PRKN: variants seen among roughly 807,000 people sequenced by gnomAD.
PRKN encodes parkin RBR E3 ubiquitin protein ligase.
PRKN carries 56 observed loss-of-function variants against 59.5 expected under a neutral mutation model. The ratio of observed to expected loss-of-function variants is 0.94; its 90% CI spans 0.76 to 1.18. PRKN has a LOEUF of 1.18. Among genes scored for constraint, PRKN ranks in the 50% most tolerant of loss-of-function variants. The pLI is 0.00. For missense variants in PRKN, 657 were observed against 596.4 expected (o/e 1.10, Z -1.06); for synonymous variants, 250 against 222.1 (o/e 1.13, Z -1.12).
intron 1 of PRKN, among the ~76,000 whole-genome samples, chr6:162,505,345 A>G (rs983183776): frequency 6.6e-6 from 1 of 152,204 alleles, no homozygotes; most frequent in African/African-American, 2.4e-5. Flanking sequence ...ATAAAAAGGC[A>G]TGGCATGCCC....
intron 1 of PRKN, among the ~76,000 whole-genome samples, chr6:162,537,985 C>T (rs560829556): frequency 2.8e-4 from 43 of 152,300 alleles, no homozygotes; most frequent in Middle Eastern, 6.8e-3. Flanking sequence ...TGGACAGCTA[C>T]GACATTATTG....
intron 6 of PRKN, among the ~76,000 whole-genome samples, chr6:161,916,031 G>GAA (rs368972817): frequency 1.2e-4 from 18 of 151,312 alleles, no homozygotes; most frequent in African/African-American, 4.1e-4. Flanking sequence ...TGAATTTACT[G>GAA]AAAAAAAAGC....
In PRKN at chr6:161,409,918, G is replaced by A. The variant is rs533935169; in HGVS notation, c.1084-23041C>T. On this transcript the variant is annotated intron_variant, in intron 9 of 11. Coordinates refer to ENST00000366898, the MANE Select transcript of PRKN (RefSeq NM_004562.3). This position sits in a 1 kb window ranked among gnomAD's most constrained non-coding sequence, Gnocchi z 4.6. Reference sequence around the variant, plus strand: ...AAAGTTTACCCTGTCTTGCTTTTCAGGTGAGAAGCAGAATTGGAAAATATT... The same window carrying A: ...AAAGTTTACCCTGTCTTGCTTTTCAAGTGAGAAGCAGAATTGGAAAATATT... 6.6e-6 allele frequency among the ~76,000 whole-genome samples: 1 copy of A among 152,254 alleles called. No individual in the cohort carries two copies. The highest frequency in any genetic ancestry group is 1.9e-4 in the East Asian group (1 of 5,186).
At chr6:161,422,260 A>G (rs546607969) in intron 9 of PRKN, among the ~76,000 whole-genome samples, 207 of 145,492 alleles carry the variant, frequency 1.4e-3, no homozygotes, top group African/African-American at 5.3e-3. Flanking sequence ...GTGCAGTGGC[A>G]TGATCTCGGC....
At chr6:162,511,241 G>T (rs1481855751) in intron 1 of PRKN, among the ~76,000 whole-genome samples, 1 of 150,220 alleles carries the variant, frequency 6.7e-6, no homozygotes, top group African/African-American at 2.4e-5. Flanking sequence ...ACCACTCTTT[G>T]GTATTACTTA....
intron 6 of PRKN, among the ~76,000 whole-genome samples, chr6:161,901,830 G>C (rs1018887780): frequency 2.0e-5 from 3 of 152,140 alleles, no homozygotes; most frequent in African/African-American, 2.4e-5. Context: ...TGTCCAGGAG[G>C]TAACTGGAGA....
At chr6:162,387,555 C>CAGAGAGAGAGAG (rs60548327) in intron 2 of PRKN, among the ~76,000 whole-genome samples, 15 of 95,630 alleles carry the variant, frequency 1.6e-4, no homozygotes, top group Admixed American at 5.9e-4. Context: ...CACACACACA[C>CAGAGAGAGAGAG]AGAGAGAGAG....
At chr6:162,087,680 G>A (rs1176255225) in intron 4 of PRKN, among the ~76,000 whole-genome samples, 2 of 135,938 alleles carry the variant, frequency 1.5e-5, no homozygotes, top group Non-Finnish European at 3.1e-5. Flanking sequence ...TGCAAGCTCC[G>A]CTTCCCAGGT....
At chr6:162,623,102 G>A (rs1249768539) in intron 1 of PRKN, among the ~76,000 whole-genome samples, 1 of 152,192 alleles carries the variant, frequency 6.6e-6, no homozygotes, top group Non-Finnish European at 1.5e-5. Context: ...CCAGTCATTA[G>A]GCTTCAGCCT....
At position 161,877,520 on chromosome 6, in the gene PRKN, C is replaced by T. The variant is rs372520758; in HGVS notation, c.735-91612G>A. Among the ~76,000 whole-genome samples the T allele has an allele frequency of 1.6e-3, 242 of 148,838 alleles. 1 individual carries two copies. The highest frequency in any genetic ancestry group is 2.2e-3 in the African/African-American group (87 of 39,994). On this transcript the variant is annotated intron_variant, in intron 6 of 11. Coordinates refer to ENST00000366898, the MANE Select transcript of PRKN (RefSeq NM_004562.3). The stretch of plus-strand genomic sequence containing the variant: ...TGTCACCCAGGCTGGAGTGCAGTGG[C>T]GCGATCTCAGCTCACTGCAAGCTCA...
At chr6:162,719,877 G>A (rs1778864420) in intron 1 of PRKN, among the ~76,000 whole-genome samples, 1 of 151,458 alleles carries the variant, frequency 6.6e-6, no homozygotes, top group Non-Finnish European at 1.5e-5. Context: ...CAGAAAAGAG[G>A]GAGTGCAGGT....
At chr6:162,262,018 G>A (rs964954491) in intron 3 of PRKN, among the ~76,000 whole-genome samples, 1 of 152,098 alleles carries the variant, frequency 6.6e-6, no homozygotes, top group Non-Finnish European at 1.5e-5. Context: ...GTCAAACACA[G>A]TAAAAATTAA....
chr6:162,098,230 A>G (rs7768722), intron 4 of PRKN, among the ~76,000 whole-genome samples: 121,148 of 151,642 alleles, frequency 0.8, 48,932 homozygotes, highest in African/African-American at 0.93. Flanking sequence ...GCAAAACACT[A>G]TTATGTGCTA....
intron 6 of PRKN, among the ~76,000 whole-genome samples, chr6:161,936,577 C>T (rs1363215210): frequency 3.9e-5 from 6 of 151,944 alleles, no homozygotes; most frequent in African/African-American, 7.2e-5. Context: ...ATAAAGAAAA[C>T]GTCTGCTTAT....
chr6:162,193,759 T>C (rs1690977459), intron 4 of PRKN, among the ~76,000 whole-genome samples: 1 of 152,144 alleles, frequency 6.6e-6, no homozygotes, highest in Non-Finnish European at 1.5e-5. Flanking sequence ...GTTCTAAAAT[T>C]TGATTATTTA....
intron 7 of PRKN, among the ~76,000 whole-genome samples, chr6:161,774,169 T>C (rs1789812632): frequency 6.6e-6 from 1 of 152,242 alleles, no homozygotes; most frequent in East Asian, 1.9e-4. Context: ...TCCTTGTCCG[T>C]GTACCAGTCA....
At chr6:161,934,189 C>T (rs938529099) in intron 6 of PRKN, among the ~76,000 whole-genome samples, 1 of 152,188 alleles carries the variant, frequency 6.6e-6, no homozygotes, top group African/African-American at 2.4e-5. Flanking sequence ...TTTCCCTCAG[C>T]ACTTCTCTCT....
At chr6:161,412,055 CTCAT>C (rs1303056168) in intron 9 of PRKN, among the ~76,000 whole-genome samples, 2 of 149,350 alleles carry the variant, frequency 1.3e-5, no homozygotes, top group Non-Finnish European at 3.0e-5. Context: ...TCATTCCTTC[CTCAT>C]TCATTCCTCC....
intron 3 of PRKN, among the ~76,000 whole-genome samples, chr6:162,215,770 G>A (rs974093090): frequency 2.0e-5 from 3 of 152,122 alleles, no homozygotes; most frequent in Non-Finnish European, 4.4e-5. Context: ...GGGGCAGGCC[G>A]GGCGGTGGCT....
Sources: allele counts gnomAD v4.1 joint callset (sites outside exome capture counted in the v4.1 genomes callset), GRCh38; gene constraint gnomAD v4.1.1; non-coding constraint Gnocchi (gnomAD v3.1); transcripts MANE v1.5; gene names NCBI Gene and HGNC (gene_info 2026-07-23, HGNC 2026-07-21).